Variants in NFE2L3 observed in about 807,000 individuals in gnomAD.
NFE2L3 encodes NFE2 like bZIP transcription factor 3.
In NFE2L3, 18 loss-of-function variants were observed where a neutral mutation model predicts 23.5. The observed-to-expected ratio is 0.77, with a 90% CI of 0.53 to 1.13. The LOEUF is 1.13. Among genes scored for constraint, NFE2L3 ranks in the 50% most tolerant of loss-of-function variants. NFE2L3 has a pLI of 0.00. For missense variants in NFE2L3, 1,152 were observed against 877.2 expected (o/e 1.31, Z -3.96); for synonymous variants, 424 against 354.5 (o/e 1.20, Z -2.20).
Position 26,176,845 on chromosome 7 carries a change from GAT to G in NFE2L3, c.571-1097_571-1096del, listed in dbSNP as rs1418283567. The stretch of plus-strand genomic sequence containing the variant: ...CAGAGGCGCTCCTCACTTCCCAGAC[GAT>G]GGGTGGCCGGGCAGAGGCACTCCTC... On this transcript the variant is annotated intron_variant, in intron 1 of 3. Coordinates refer to ENST00000056233, the MANE Select transcript of NFE2L3 (RefSeq NM_004289.7). Among the ~76,000 whole-genome samples the G allele has an allele frequency of 4.5e-5, 4 of 89,806 alleles. 1 individual carries two copies. The highest frequency in any genetic ancestry group is 6.8e-4 in the East Asian group (1 of 1,464). The allele number at this position is 89,806 out of a possible 152,430, so 58.9% of individuals were successfully genotyped here.
intron 1 of NFE2L3, among the ~76,000 whole-genome samples, chr7:26,177,576 A>G (rs955820030): frequency 6.6e-5 from 10 of 152,210 alleles, no homozygotes; most frequent in African/African-American, 2.4e-4. Context: ...CAGGCTCAGC[A>G]ATGGAGGGAG....
chr7:26,184,246 AAGTAGCAAAT>A (rs1782416860), intron 3 of NFE2L3: 1 of 385,924 alleles, frequency 2.6e-6, no homozygotes, highest in African/African-American at 2.1e-5. Flanking sequence ...TCTTATTATA[AAGTAGCAAAT>A]TACAAGATTG....
chr7:26,155,254 G>C (rs1212530610), intron 1 of NFE2L3, among the ~76,000 whole-genome samples: 2 of 152,074 alleles, frequency 1.3e-5, no homozygotes, highest in Admixed American at 6.5e-5. Flanking sequence ...ACCAGACTGG[G>C]CAACATGGTG....
chr7:26,185,077 A>G lies in NFE2L3; in HGVS notation c.1379A>G (p.Asp460Gly). Residue 460 changes from aspartate (D) to glycine (G), a missense_variant, in exon 4 of 4, where the codon GAC becomes GGC. Asp to Gly is a moderately conservative substitution (Grantham distance 94, BLOSUM62 -1). Coordinates refer to ENST00000056233, the MANE Select transcript of NFE2L3 (RefSeq NM_004289.7). ...CTDHESSSHH[D>G]LEGAVGGYYP... Reference sequence around the variant, plus strand: ...GACCATGAATCTAGTTCCCATCATGACTTAGAAGGTGCTGTAGGTGGCTAC... The same window carrying G: ...GACCATGAATCTAGTTCCCATCATGGCTTAGAAGGTGCTGTAGGTGGCTAC... 6.2e-7 allele frequency: 1 copy of G among 1,613,866 alleles called. No homozygotes were observed.
At chr7:26,172,089 A>G (rs1784335640) in intron 1 of NFE2L3, among the ~76,000 whole-genome samples, 1 of 152,280 alleles carries the variant, frequency 6.6e-6, no homozygotes. Flanking sequence ...CAATTAGATA[A>G]GAAAATGAAA....
chr7:26,181,215 A>G (rs1343639487), intron 2 of NFE2L3, among the ~76,000 whole-genome samples: 1 of 152,106 alleles, frequency 6.6e-6, no homozygotes, highest in Non-Finnish European at 1.5e-5. Flanking sequence ...GGGCTCAAGC[A>G]ATCTGCCCAC....
chr7:26,186,858 T>G lies in NFE2L3; in HGVS notation c.*1075T>G, dbSNP rs1782499063. 1 of 152,182 alleles carries G rather than the reference T, an allele frequency of 6.6e-6. No individual in the cohort carries two copies. 9.4% of individuals were successfully genotyped at this position (152,182 alleles called of 1,614,324 possible). On this transcript the variant is annotated 3_prime_UTR_variant, in exon 4 of 4. Transcript: ENST00000056233. ...ATAGCATTTGAAATGAAAACCTCAC[T>G]TAAGTTCACTAGAACAGTAAACAGG... is the stretch of plus-strand genomic sequence containing the variant.
intron 3 of NFE2L3, chr7:26,184,001 C>T (rs1583940912): frequency 1.4e-5 from 7 of 510,026 alleles, no homozygotes; most frequent in Non-Finnish European, 2.1e-5. Flanking sequence ...TGGAAAACAG[C>T]GTGGAGATTT....
At position 26,176,753 on chromosome 7, in the gene NFE2L3, G is replaced by A. The variant is rs1468760629; in HGVS notation, c.571-1190G>A. On this transcript the variant is annotated intron_variant, in intron 1 of 3. Transcript: ENST00000056233. ...AGACGATGGGCAGCCGGGCAGAGGC[G>A]CTCCTCACTTCCCAGACGGGGTGGC... is the stretch of plus-strand genomic sequence containing the variant. Among the ~76,000 whole-genome samples the A allele has an allele frequency of 6.3e-5, 5 of 78,952 alleles. 1 individual carries two copies. Among genetic ancestry groups the A allele is most frequent in the Non-Finnish European group, 9.0e-5 (4 of 44,580 alleles). The allele number at this position is 78,952 out of a possible 152,430, so 51.8% of individuals were successfully genotyped here.
chr7:26,153,537 T>C (rs1228026795), intron 1 of NFE2L3, among the ~76,000 whole-genome samples: 1 of 152,202 alleles, frequency 6.6e-6, no homozygotes, highest in Non-Finnish European at 1.5e-5. Flanking sequence ...TTCAGCCCAA[T>C]TGCTGTTCGT....
Position 26,184,624 on chromosome 7 carries a change from T to C in NFE2L3, c.926T>C (p.Ile309Thr). ...AHYHVNFSQA[I>T]SQDVNLHEAI... ...TATCATGTAAACTTCAGCCAGGCTA[T>C]AAGTCAGGATGTGAATCTTCATGAG... is the stretch of plus-strand genomic sequence containing the variant. The change falls in exon 4 of 4, where the codon ATA becomes ACA. Residue 309 changes from isoleucine to threonine, a missense_variant. Physicochemically the swap from Ile to Thr is moderately conservative, Grantham distance 89 (BLOSUM62 -1). Coordinates refer to ENST00000056233, the MANE Select transcript of NFE2L3 (RefSeq NM_004289.7). 6.2e-6 allele frequency: 10 copies of C among 1,613,906 alleles called. No homozygotes were observed. Among genetic ancestry groups the C allele is most frequent in the Non-Finnish European group, 8.5e-6 (10 of 1,179,804 alleles).
rs747868431 is a variant in NFE2L3, at chr7:26,185,648, A to G, written c.1950A>G (p.Arg650=). 4.3e-6 allele frequency: 7 copies of G among 1,613,974 alleles called. No individual in the cohort carries two copies. The Admixed American group carries it at 1.2e-4, about 27-fold the overall frequency. The change falls in exon 4 of 4, where the codon AGA becomes AGG. Residue 650 remains arginine, a synonymous_variant. Transcript: ENST00000056233. ...DLYHDIFSRL[R]DDQGRPVNPN... ...ATCATGATATTTTTAGTAGATTAAG[A>G]GATGACCAAGGTAGGCCAGTCAATC...
At chr7:26,183,427 A>G (rs1782381218) in intron 2 of NFE2L3, among the ~76,000 whole-genome samples, 1 of 152,022 alleles carries the variant, frequency 6.6e-6, no homozygotes, top group Non-Finnish European at 1.5e-5. Flanking sequence ...GCACAGCTGT[A>G]ATCCCAGCTA....
At chr7:26,153,186 G>T in intron 1 of NFE2L3, 118 bp downstream of exon 1, 3 of 1,015,890 alleles carry the variant, frequency 3.0e-6, no homozygotes, top group Non-Finnish European at 4.0e-6. Context: ...CTTAGCCCCT[G>T]GTCTTTGCAG....
At chr7:26,173,022 G>A (rs1442901745) in intron 1 of NFE2L3, among the ~76,000 whole-genome samples, 2 of 151,866 alleles carry the variant, frequency 1.3e-5, no homozygotes, top group Non-Finnish European at 2.9e-5. Context: ...CTATAAGAAA[G>A]ATTTCCTTTT....
At chr7:26,178,929 T>C (rs1784461390) in intron 2 of NFE2L3, among the ~76,000 whole-genome samples, 1 of 152,190 alleles carries the variant, frequency 6.6e-6, no homozygotes, top group South Asian at 2.1e-4. Flanking sequence ...ATGTGGAGTT[T>C]AGGGCTGTGT....
intron 1 of NFE2L3, 130 bp downstream of exon 1, chr7:26,153,198 T>A: frequency 2.2e-6 from 2 of 893,482 alleles, no homozygotes; most frequent in Non-Finnish European, 3.2e-6. Context: ...TCTTTGCAGG[T>A]TCGCAGATGC....
At chr7:26,175,853 C>CTTTTTTTTTT (rs70943276) in intron 1 of NFE2L3, among the ~76,000 whole-genome samples, 18 of 111,624 alleles carry the variant, frequency 1.6e-4, no homozygotes, top group East Asian at 5.2e-4. Flanking sequence ...ATTTTCTTTT[C>CTTTTTTTTTT]TTTTTTTTTT....
In NFE2L3 at chr7:26,175,550, G is replaced by A. The variant is rs531892755; in HGVS notation, c.571-2393G>A. 1.3e-4 allele frequency among the ~76,000 whole-genome samples: 20 copies of A among 152,128 alleles called. No homozygotes were observed. The East Asian group carries it at 3.1e-3, about 24-fold the overall frequency. ...CCCAGCACTTTGGGAGGCCGAGGCG[G>A]GCGGATCACGAGGTCAGGAGATCGA... On this transcript the variant is annotated intron_variant, in intron 1 of 3. Transcript: ENST00000056233.
Sources: allele counts gnomAD v4.1 joint callset (sites outside exome capture counted in the v4.1 genomes callset), GRCh38; gene constraint gnomAD v4.1.1; transcripts MANE v1.5; gene names NCBI Gene and HGNC (gene_info 2026-07-23, HGNC 2026-07-21).